The following PRICKLE2 variants were observed in gnomAD, a reference collection of about 807,000 sequenced individuals.
PRICKLE2 encodes prickle planar cell polarity protein 2, also known as prickle-like protein 2.
PRICKLE2 carries 21 observed loss-of-function variants against 81.4 expected under a neutral mutation model. That is an observed-to-expected ratio of 0.26 (90% CI 0.18 to 0.37). PRICKLE2 has a LOEUF of 0.37. PRICKLE2 is among the 10% of genes least tolerant of loss of function. The probability of loss-of-function intolerance (pLI) is 1.00; values close to 1 mark genes in which losing one functional copy is unlikely to be tolerated. For missense variants in PRICKLE2, 940 were observed against 1,109.0 expected, an observed-to-expected ratio of 0.85 and a Z score of 2.16; for synonymous variants, 456 against 421.5, an observed-to-expected ratio of 1.08 and a Z score of -1.00.
At chr3:64,259,825 G>A (rs1311644674) in intron 2 of PRICKLE2, among the ~76,000 whole-genome samples, 1 of 152,048 alleles carries the variant, frequency 6.6e-6, no homozygotes, top group African/African-American at 2.4e-5. Flanking sequence ...CAAGAAGCCG[G>A]GACAGACTCT....
rs997111473 is a variant in PRICKLE2, at chr3:64,095,722, G to A, written c.*3329C>T. 1 of 152,174 alleles carries A rather than the reference G, an allele frequency of 6.6e-6. No individual in the cohort carries two copies. The highest frequency in any genetic ancestry group is 1.9e-4 in the East Asian group (1 of 5,206). 9.4% of individuals were successfully genotyped at this position (152,174 alleles called of 1,614,324 possible). On this transcript the variant is annotated 3_prime_UTR_variant, in exon 8 of 8. Transcript: ENST00000638394. ...AGCACTACTTCCAGATCCTGTATTA[G>A]AAACACAAAATTGCTCATTTGCTCG...
At chr3:64,191,514 C>A (rs1179356670) in intron 2 of PRICKLE2, among the ~76,000 whole-genome samples, 5 of 152,156 alleles carry the variant, frequency 3.3e-5, no homozygotes. Context: ...GCTGTGTGAT[C>A]TTGGGCAAGT....
At chr3:64,151,367 T>C (rs27959) in intron 6 of PRICKLE2, among the ~76,000 whole-genome samples, 133,911 of 152,234 alleles carry the variant, frequency 0.88, 59,970 homozygotes, top group Non-Finnish European at 0.97. Context: ...ATGGATTTAA[T>C]AGGAAAGGAG....
chr3:64,121,074 G>C (rs1348277631), intron 7 of PRICKLE2, among the ~76,000 whole-genome samples: 1 of 152,148 alleles, frequency 6.6e-6, no homozygotes. Context: ...ACGTGGGTTT[G>C]GCTGGGCTCC....
intron 2 of PRICKLE2, among the ~76,000 whole-genome samples, chr3:64,165,963 G>GGTGT (rs67554015): frequency 0.028 from 1,723 of 61,634 alleles, 8 homozygotes; most frequent in Non-Finnish European, 0.036. Flanking sequence ...CTGTTATAAA[G>GGTGT]GTGTGTGTGT....
intron 7 of PRICKLE2, chr3:64,141,889 C>T (rs976489002): frequency 5.2e-5 from 51 of 984,842 alleles, no homozygotes; most frequent in Non-Finnish European, 6.0e-5. Context: ...CTAGCTTTAT[C>T]TGAAGGATCA....
chr3:64,265,347 T>C (rs1340523269), intron 2 of PRICKLE2, among the ~76,000 whole-genome samples: 1 of 152,196 alleles, frequency 6.6e-6, no homozygotes, highest in Non-Finnish European at 1.5e-5. Flanking sequence ...AGGATTACCA[T>C]TCTGTGTTTT....
intron 2 of PRICKLE2, among the ~76,000 whole-genome samples, chr3:64,254,512 G>C (rs2079496605): frequency 6.6e-6 from 1 of 152,170 alleles, no homozygotes; most frequent in Admixed American, 6.5e-5. Flanking sequence ...TGAGCAAAAA[G>C]ACAGGGACCC....
At chr3:64,133,104 GCCAGATAAAGGTGTGTCAT>G (rs902016497) in intron 7 of PRICKLE2, among the ~76,000 whole-genome samples, 49 of 152,142 alleles carry the variant, frequency 3.2e-4, no homozygotes, top group African/African-American at 1.1e-3. Flanking sequence ...ATCCAGTATT[GCCAGATAAAGGTGTGTCAT>G]CCAGATTCCC....
At chr3:64,142,082 G>T in intron 7 of PRICKLE2, 1 of 242,046 alleles carries the variant, frequency 4.1e-6, no homozygotes, top group Non-Finnish European at 6.7e-6. Flanking sequence ...TCTAGTCCTC[G>T]GTGTATGGGT....
chr3:64,237,437 C>G (rs1244426430), intron 2 of PRICKLE2, among the ~76,000 whole-genome samples: 1 of 151,990 alleles, frequency 6.6e-6, no homozygotes, highest in Non-Finnish European at 1.5e-5. Context: ...TCGGCCATCT[C>G]CGGCCGAACT....
Position 64,233,165 on chromosome 3 carries a change from T to C in PRICKLE2, c.129-34198A>G, listed in dbSNP as rs141124381. 1.3e-4 allele frequency among the ~76,000 whole-genome samples: 20 copies of C among 152,302 alleles called. No individual in the cohort carries two copies. The East Asian group carries it at 3.9e-3, about 29-fold the overall frequency. ...GTCAAAATATACACAGGATCTAATA[T>C]CTTTCCTCCACCATCATCACACTGG... On this transcript the variant is annotated intron_variant, in intron 2 of 8. Transcript: ENST00000295902.
rs556725661 is a variant in PRICKLE2, at chr3:64,095,557, T to C, written c.*3494A>G. On this transcript the variant is annotated 3_prime_UTR_variant, in exon 8 of 8. Coordinates refer to ENST00000638394, the MANE Select transcript of PRICKLE2 (RefSeq NM_198859.4). ...CAGCTTGCAGGGAGCGCAGAGCACA[T>C]GCTACATATATGTCATCACAGGCCT... 2.6e-5 allele frequency: 4 copies of C among 152,336 alleles called. No homozygotes were observed. Among genetic ancestry groups the C allele is most frequent in the African/African-American group, 9.6e-5 (4 of 41,570 alleles). 9.4% of individuals were successfully genotyped at this position (152,336 alleles called of 1,614,324 possible).
At chr3:64,221,342 C>A (rs2078948857) in intron 1 of PRICKLE2, among the ~76,000 whole-genome samples, 1 of 150,876 alleles carries the variant, frequency 6.6e-6, no homozygotes, top group African/African-American at 2.4e-5. Flanking sequence ...AGACAATAGG[C>A]CAAAGAAAAA....
chr3:64,235,456 AT>A (rs769156664), intron 2 of PRICKLE2, among the ~76,000 whole-genome samples: 1 of 152,170 alleles, frequency 6.6e-6, no homozygotes, highest in East Asian at 1.9e-4. Context: ...GTCTCAAAAT[AT>A]TTTGTTGAAA....
At chr3:64,125,243 G>C (rs963209195) in intron 7 of PRICKLE2, among the ~76,000 whole-genome samples, 2 of 152,174 alleles carry the variant, frequency 1.3e-5, no homozygotes, top group Admixed American at 1.3e-4. Flanking sequence ...GATGAGAGAA[G>C]AAAGTGGTTT....
chr3:64,113,821 C>T (rs1419061451), intron 7 of PRICKLE2, among the ~76,000 whole-genome samples: 1 of 152,158 alleles, frequency 6.6e-6, no homozygotes, highest in Admixed American at 6.5e-5. Context: ...GCACCCAAAC[C>T]TGCCCCAGCC....
chr3:64,227,799 A>G (rs1008388933), upstream of PRICKLE2, among the ~76,000 whole-genome samples: 2 of 152,216 alleles, frequency 1.3e-5, no homozygotes, highest in Non-Finnish European at 2.9e-5. Context: ...AGTGTTAGCT[A>G]TTGGTAATAT....
At chr3:64,129,658 AC>A (rs1300780996) in intron 7 of PRICKLE2, among the ~76,000 whole-genome samples, 1 of 152,028 alleles carries the variant, frequency 6.6e-6, no homozygotes, top group East Asian at 1.9e-4. Context: ...GAGAAGAGAG[AC>A]CCATTGAGCC....
Sources: gnomAD v4.1 joint callset for allele counts (sites outside exome capture counted in the v4.1 genomes callset) on GRCh38, gnomAD v4.1.1 for gene constraint, MANE v1.5 for transcripts, NCBI Gene and HGNC (gene_info 2026-07-23, HGNC 2026-07-21) for gene names.